The following CDH13 variants were observed in gnomAD, a reference collection of about 807,000 sequenced individuals.
The protein encoded by CDH13 is cadherin-13.
Under a neutral mutation model 63.8 loss-of-function variants are expected in CDH13, and 24 were observed. The observed-to-expected ratio is 0.38, with a 90% CI of 0.27 to 0.53. CDH13 has a LOEUF of 0.53. CDH13 is among the 20% of genes least tolerant of loss of function. The pLI is 0.85. For synonymous variants in CDH13, 503 were observed against 355.3 expected (o/e 1.42, Z -4.67); for missense variants, 1,049 against 903.1 (o/e 1.16, Z -2.07).
intron 2 of CDH13, among the ~76,000 whole-genome samples, chr16:82,961,483 C>A (rs149223665): frequency 6.6e-6 from 1 of 150,408 alleles, no homozygotes; most frequent in Non-Finnish European, 1.5e-5. Flanking sequence ...TTGAAATGAA[C>A]TTCCTGCAAT....
rs773691134 is a variant in CDH13 at position 83,344,982 on chromosome 16, C to A, written c.757C>A (p.His253Asn). Residue 253 changes from histidine (H) to asparagine (N), a missense_variant, in exon 6 of 14, where the codon CAC becomes AAC. His to Asn is a moderately conservative substitution (Grantham distance 68). Coordinates refer to ENST00000567109, the MANE Select transcript of CDH13 (RefSeq NM_001257.5). ...PIFREGPYIG[H>N]VMEGSPTGTT... ...CTTTCGGGAAGGCCCCTACATCGGC[C>A]ACGTCATGGAAGGGTCACCCACAGG... 1 of 1,613,934 alleles carries A rather than the reference C, an allele frequency of 6.2e-7. No homozygotes were observed. Among genetic ancestry groups the A allele is most frequent in the Non-Finnish European group, 8.5e-7 (1 of 1,179,840 alleles).
At chr16:83,388,658 G>C (rs970468619) in intron 6 of CDH13, among the ~76,000 whole-genome samples, 17 of 152,108 alleles carry the variant, frequency 1.1e-4, no homozygotes, top group African/African-American at 4.1e-4. Flanking sequence ...CCCTGCGTTG[G>C]TGTACCCCAT....
At chr16:83,683,240 G>A (rs1013814131) in intron 10 of CDH13, among the ~76,000 whole-genome samples, 1 of 152,222 alleles carries the variant, frequency 6.6e-6, no homozygotes, top group Non-Finnish European at 1.5e-5. Flanking sequence ...AAAATGAACA[G>A]CAGTGGTCTA....
chr16:83,032,253 G>C (rs775689913), intron 3 of CDH13, 35 bp downstream of exon 3: 1 of 1,540,706 alleles, frequency 6.5e-7, no homozygotes, highest in African/African-American at 1.4e-5. Context: ...TGGGTTCAAG[G>C]AGGACATTAG....
chr16:82,947,057 A>C lies in CDH13; in HGVS notation c.158-84953A>C, dbSNP rs73592375. On this transcript the variant is annotated intron_variant, in intron 2 of 13. Coordinates refer to ENST00000567109, the MANE Select transcript of CDH13 (RefSeq NM_001257.5). ...GTGTGTGTGTGTGTGTGATGTTGTA[A>C]GAAAGTTTAAGGCTATCTCCCTTCC... Among the ~76,000 whole-genome samples, 490 of 137,896 alleles carry C rather than the reference A, an allele frequency of 3.6e-3. 2 individuals carry two copies. Among genetic ancestry groups the C allele is most frequent in the African/African-American group, 0.012 (456 of 38,198 alleles). The allele number at this position is 137,896 out of a possible 152,430, so 90.5% of individuals were successfully genotyped here.
chr16:83,212,592 T>C (rs1193185751), intron 4 of CDH13, among the ~76,000 whole-genome samples: 1 of 152,106 alleles, frequency 6.6e-6, no homozygotes, highest in Non-Finnish European at 1.5e-5. Flanking sequence ...TTAAAATAGG[T>C]CTAGAAAGAA....
chr16:83,702,877 C>T (rs1906458438), intron 10 of CDH13, among the ~76,000 whole-genome samples: 1 of 152,220 alleles, frequency 6.6e-6, no homozygotes, highest in Non-Finnish European at 1.5e-5. Flanking sequence ...GGGCTGCACA[C>T]ATATTACTGC....
chr16:82,885,378 C>T (rs2040847594), intron 2 of CDH13, among the ~76,000 whole-genome samples: 2 of 152,130 alleles, frequency 1.3e-5, no homozygotes, highest in African/African-American at 4.8e-5. Flanking sequence ...ATCCATCTAT[C>T]CACCTATCCA....
At chr16:83,026,915 A>C (rs1050616790) in intron 2 of CDH13, among the ~76,000 whole-genome samples, 1 of 152,176 alleles carries the variant, frequency 6.6e-6, no homozygotes, top group African/African-American at 2.4e-5. Flanking sequence ...AGAGCTAAGC[A>C]GAGCGGCTGA....
At chr16:82,665,686 G>C (rs1291498505) in intron 1 of CDH13, among the ~76,000 whole-genome samples, 2 of 151,846 alleles carry the variant, frequency 1.3e-5, no homozygotes, top group African/African-American at 4.8e-5. Flanking sequence ...AACTCTGCTT[G>C]GACTCTGCCC....
At chr16:83,110,635 T>C (rs1010973730) in intron 3 of CDH13, among the ~76,000 whole-genome samples, 2 of 152,192 alleles carry the variant, frequency 1.3e-5, no homozygotes, top group African/African-American at 4.8e-5. Context: ...CAGTGGTGAA[T>C]AAGCTCCTCC....
At chr16:83,083,066 A>G (rs968324185) in intron 3 of CDH13, among the ~76,000 whole-genome samples, 1 of 152,232 alleles carries the variant, frequency 6.6e-6, no homozygotes, top group Non-Finnish European at 1.5e-5. Flanking sequence ...CAGAACCACA[A>G]AAGAAGCTGA....
intron 11 of CDH13, among the ~76,000 whole-genome samples, chr16:83,776,500 T>C (rs1451184881): frequency 2.6e-5 from 4 of 152,246 alleles, no homozygotes; most frequent in African/African-American, 9.6e-5. Context: ...TTTGTGTTGC[T>C]ATTTTAGCAG....
chr16:82,760,650 G>A (rs576234623), intron 1 of CDH13, among the ~76,000 whole-genome samples: 4 of 152,226 alleles, frequency 2.6e-5, no homozygotes, highest in African/African-American at 9.6e-5. Flanking sequence ...TCCCTTTTGT[G>A]TTGCTATAAA....
At chr16:83,255,002 T>A (rs1320728521) in intron 5 of CDH13, among the ~76,000 whole-genome samples, 2 of 112,888 alleles carry the variant, frequency 1.8e-5, no homozygotes, top group Admixed American at 1.8e-4. Flanking sequence ...TTTCTTTCTT[T>A]CTTTCTTTCT....
intron 11 of CDH13, among the ~76,000 whole-genome samples, chr16:83,774,732 G>A (rs879602555): frequency 6.6e-6 from 1 of 152,150 alleles, no homozygotes; most frequent in Non-Finnish European, 1.5e-5. Flanking sequence ...CCCCAGAGTC[G>A]TCAGATTCAT....
chr16:83,671,653 A>G (rs563974498), intron 9 of CDH13, among the ~76,000 whole-genome samples: 15 of 152,330 alleles, frequency 9.8e-5, no homozygotes, highest in Admixed American at 3.9e-4. Context: ...CTGTGCTCAA[A>G]ACGTGGGCTA....
At chr16:82,938,689 G>A (rs534874847) in intron 2 of CDH13, among the ~76,000 whole-genome samples, 74 of 152,282 alleles carry the variant, frequency 4.9e-4, no homozygotes, top group African/African-American at 1.7e-3. Context: ...AAAAGGTGCA[G>A]GAAGCATCAG....
chr16:82,940,646 A>G (rs534319218), intron 2 of CDH13, among the ~76,000 whole-genome samples: 8 of 152,308 alleles, frequency 5.3e-5, no homozygotes, highest in South Asian at 2.1e-4. Context: ...TAGAAAACTA[A>G]TCAGCGTCTA....
Sources: allele counts gnomAD v4.1 joint callset (sites outside exome capture counted in the v4.1 genomes callset), GRCh38; gene constraint gnomAD v4.1.1; transcripts MANE v1.5; gene names NCBI Gene and HGNC (gene_info 2026-07-23, HGNC 2026-07-21).